Variants in ORC5 observed in about 807,000 individuals in gnomAD.
ORC5 encodes the protein protein phosphatase 1, regulatory subunit 117.
A neutral mutation model predicts 58.8 loss-of-function variants in ORC5; 39 were observed. That is an observed-to-expected ratio of 0.66 (90% CI 0.51 to 0.87). ORC5 has a LOEUF of 0.87. ORC5 is among the 40% of genes least tolerant of loss of function. The pLI is 0.00. For synonymous variants in ORC5, 218 were observed against 177.6 expected (o/e 1.23, Z -1.81); for missense variants, 493 against 506.3 (o/e 0.97, Z 0.25).
intron 12 of ORC5, among the ~76,000 whole-genome samples, chr7:104,153,956 T>C (rs912091924): frequency 6.6e-6 from 1 of 152,140 alleles, no homozygotes; most frequent in Non-Finnish European, 1.5e-5. Flanking sequence ...ATATGCAAAT[T>C]AACTTTTAAG....
chr7:104,143,511 T>C (rs1449885166), intron 12 of ORC5, among the ~76,000 whole-genome samples: 2 of 152,136 alleles, frequency 1.3e-5, no homozygotes, highest in Non-Finnish European at 2.9e-5. Context: ...ATCATGTAAA[T>C]TGTGCAAAGA....
At chr7:104,205,086 CTTTTTT>C (rs10672012) in intron 1 of ORC5, among the ~76,000 whole-genome samples, 2 of 99,452 alleles carry the variant, frequency 2.0e-5, no homozygotes, top group East Asian at 2.8e-4. Context: ...TAATAATACT[CTTTTTT>C]TTTTTTTTTT....
chr7:104,191,300 TA>T (rs1291326693), intron 5 of ORC5, among the ~76,000 whole-genome samples: 1 of 151,982 alleles, frequency 6.6e-6, no homozygotes, highest in Non-Finnish European at 1.5e-5. Context: ...CTATAAAACC[TA>T]CCAAATAACT....
At chr7:104,139,367 C>T (rs555402806) in intron 12 of ORC5, among the ~76,000 whole-genome samples, 8 of 151,968 alleles carry the variant, frequency 5.3e-5, no homozygotes, top group African/African-American at 1.5e-4. Flanking sequence ...TATAGATAAG[C>T]CTTAGAGATC....
chr7:104,162,634 G>A (rs959476900), intron 11 of ORC5, among the ~76,000 whole-genome samples: 3 of 152,136 alleles, frequency 2.0e-5, no homozygotes, highest in Non-Finnish European at 2.9e-5. Flanking sequence ...CTTAAATTTT[G>A]TATGCTTTTG....
At chr7:104,188,139 A>G in intron 6 of ORC5, 112 bp downstream of exon 6, 1 of 970,522 alleles carries the variant, frequency 1.0e-6, no homozygotes, top group East Asian at 2.7e-5. Flanking sequence ...TTTCTAACCT[A>G]TCTCATACCA....
chr7:104,189,441 G>A (rs1799624409), intron 5 of ORC5, among the ~76,000 whole-genome samples: 1 of 151,998 alleles, frequency 6.6e-6, no homozygotes, highest in Non-Finnish European at 1.5e-5. Context: ...CATGACATGT[G>A]GGGATTACGG....
At position 104,134,210 on chromosome 7, in the gene ORC5, G is replaced by A. The variant is rs1584475972; in HGVS notation, c.1262+2571C>T. ...GCCGATGCAGGCAGATCAACTTGAG[G>A]TCAGGAGTTCAAGACCAGCCTGGCC... is the stretch of plus-strand genomic sequence containing the variant. On this transcript the variant is annotated intron_variant, in intron 13 of 13. Transcript: ENST00000297431. Among the ~76,000 whole-genome samples the A allele has an allele frequency of 2.6e-5, 4 of 152,038 alleles. No homozygotes were observed. In the Middle Eastern group the frequency reaches 0.014, roughly 517 times the overall value.
intron 12 of ORC5, among the ~76,000 whole-genome samples, chr7:104,150,399 A>G (rs1002385379): frequency 2.0e-5 from 3 of 152,116 alleles, no homozygotes; most frequent in Non-Finnish European, 4.4e-5. Flanking sequence ...TGAATTCAGG[A>G]GACTTGACGG....
chr7:104,131,610 G>C (rs1798512819), intron 13 of ORC5, among the ~76,000 whole-genome samples: 1 of 152,112 alleles, frequency 6.6e-6, no homozygotes, highest in South Asian at 2.1e-4. Flanking sequence ...CTAGCACTTT[G>C]GGAGGCCGAG....
At chr7:104,177,432 C>A (rs535664243) in intron 8 of ORC5, among the ~76,000 whole-genome samples, 2 of 152,146 alleles carry the variant, frequency 1.3e-5, no homozygotes, top group Admixed American at 1.3e-4. Context: ...TGACATGTGA[C>A]AAAATTTCTT....
chr7:104,134,013 C>T lies in ORC5; in HGVS notation c.1262+2768G>A, dbSNP rs537822203. 3.3e-5 allele frequency among the ~76,000 whole-genome samples: 5 copies of T among 152,234 alleles called. No homozygotes were observed. In the South Asian group the frequency reaches 1.0e-3, roughly 32 times the overall value. ...AAAGGAAAGAAAGAGAAGATGGACA[C>T]TAACACAGGTAGCTCAATTCTCAGT... On this transcript the variant is annotated intron_variant, in intron 13 of 13. Coordinates refer to ENST00000297431, the MANE Select transcript of ORC5 (RefSeq NM_002553.4).
chr7:104,172,840 T>C (rs192929656), intron 8 of ORC5, among the ~76,000 whole-genome samples: 3 of 152,334 alleles, frequency 2.0e-5, no homozygotes, highest in Admixed American at 2.0e-4. Flanking sequence ...GCTGTTTCAC[T>C]ACTAAGAAAT....
intron 3 of ORC5, among the ~76,000 whole-genome samples, chr7:104,200,277 A>G (rs570737138): frequency 9.2e-5 from 14 of 152,268 alleles, no homozygotes; most frequent in South Asian, 4.1e-4. Context: ...AGTTTTCTAG[A>G]CCTTCCACAA....
chr7:104,139,714 ATCTT>A (rs1798642992), intron 12 of ORC5, among the ~76,000 whole-genome samples: 1 of 152,092 alleles, frequency 6.6e-6, no homozygotes, highest in Non-Finnish European at 1.5e-5. Context: ...ACCTTGAAAT[ATCTT>A]TTATAAATAT....
chr7:104,182,719 T>C (rs752404166), intron 8 of ORC5, among the ~76,000 whole-genome samples: 1 of 152,228 alleles, frequency 6.6e-6, no homozygotes, highest in Non-Finnish European at 1.5e-5. Flanking sequence ...TTTGATTTAT[T>C]CAGTAGGTTC....
chr7:104,151,657 C>G (rs1798849394), intron 12 of ORC5, among the ~76,000 whole-genome samples: 1 of 152,180 alleles, frequency 6.6e-6, no homozygotes, highest in Admixed American at 6.5e-5. Flanking sequence ...TGGTTTGGGG[C>G]ACACCAGTGT....
intron 12 of ORC5, among the ~76,000 whole-genome samples, chr7:104,150,262 TC>T (rs1208006142): frequency 5.9e-5 from 9 of 152,180 alleles, no homozygotes; most frequent in African/African-American, 2.2e-4. Flanking sequence ...TTAAGAAATA[TC>T]CTATCCTGCT....
chr7:104,143,103 A>T (rs1045229298), intron 12 of ORC5, among the ~76,000 whole-genome samples: 13 of 152,184 alleles, frequency 8.5e-5, no homozygotes, highest in African/African-American at 3.1e-4. Flanking sequence ...AGTAATAGCT[A>T]TTTGAAAAAT....
Sources: allele counts gnomAD v4.1 joint callset (sites outside exome capture counted in the v4.1 genomes callset), GRCh38; gene constraint gnomAD v4.1.1; transcripts MANE v1.5; gene names NCBI Gene and HGNC (gene_info 2026-07-23, HGNC 2026-07-21).